Variants in TNXB observed in about 807,000 individuals in gnomAD.
TNXB encodes the protein tenascin-X.
Under a neutral mutation model 340.5 loss-of-function variants are expected in TNXB, and 183 were observed. The ratio of observed to expected loss-of-function variants is 0.54; its 90% CI spans 0.48 to 0.61. TNXB has a LOEUF of 0.61. Ranked by LOEUF, TNXB falls within the 20% of genes least tolerant of loss-of-function variation. TNXB has a pLI of 0.00. For synonymous variants in TNXB, 2,121 were observed against 2,314.5 expected (o/e 0.92, Z 2.40); for missense variants, 4,613 against 5,446.4 (o/e 0.85, Z 4.82).
At chr6:32,055,822 G>A in intron 24 of TNXB, 29 bp downstream of exon 24, 1 of 1,593,276 alleles carries the variant, frequency 6.3e-7, no homozygotes, top group Non-Finnish European at 8.6e-7. Context: ...CATCTTCTAG[G>A]GCCATCTTCC....
chr6:32,046,816 A>G lies in TNXB; in HGVS notation c.10325-360T>C, dbSNP rs887059104. On this transcript the variant is annotated intron_variant, in intron 30 of 43. Transcript: ENST00000644971. The surrounding 1 kb of genome is among the most constrained non-coding windows in gnomAD (Gnocchi z 6.9). Reference sequence around the variant, plus strand: ...CTGAGCAAGAATGAGGCCAGAGCTGAGAGAGACTCCCCGGAGGTCTCTGGG... The same window carrying G: ...CTGAGCAAGAATGAGGCCAGAGCTGGGAGAGACTCCCCGGAGGTCTCTGGG... 1.3e-5 allele frequency among the ~76,000 whole-genome samples: 2 copies of G among 151,952 alleles called. No homozygotes were observed. The highest frequency in any genetic ancestry group is 2.9e-5 in the Non-Finnish European group (2 of 68,024).
At chr6:32,105,538 A>T (rs1780935980) in intron 1 of TNXB, among the ~76,000 whole-genome samples, 1 of 152,112 alleles carries the variant, frequency 6.6e-6, no homozygotes, top group East Asian at 1.9e-4. Flanking sequence ...GTGCTCAATA[A>T]ATATTTACCG....
At position 32,075,913 on chromosome 6, in the gene TNXB, A is replaced by T. The variant is rs1297493823; in HGVS notation, c.4376-1961T>A. ...CTGGCTTCCTCCGGAGGGCAAGACA[A>T]GGCTCCAAGCAAGTGACAACTGCTT... On this transcript the variant is annotated intron_variant, in intron 11 of 43. Transcript: ENST00000644971. This position sits in a 1 kb window ranked among gnomAD's most constrained non-coding sequence, Gnocchi z 4.6. Among the ~76,000 whole-genome samples the T allele has an allele frequency of 6.6e-6, 1 of 152,190 alleles. No individual in the cohort carries two copies. Among genetic ancestry groups the T allele is most frequent in the Non-Finnish European group, 1.5e-5 (1 of 68,030 alleles).
rs931681215 is a variant in TNXB at position 32,077,748 on chromosome 6, C to T, written c.4375+1285G>A. On this transcript the variant is annotated intron_variant, in intron 11 of 43. Transcript: ENST00000644971. ...TGAGTATTAAAGAAAGCCTTGTGGCCGGGCGTGGTGGCTTATGCCTATAAT... is the reference window on the plus strand; with the variant it reads ...TGAGTATTAAAGAAAGCCTTGTGGCTGGGCGTGGTGGCTTATGCCTATAAT... Among the ~76,000 whole-genome samples, 6 of 152,200 alleles carry T rather than the reference C, an allele frequency of 3.9e-5. No individual in the cohort carries two copies. In the East Asian group the frequency reaches 5.8e-4, roughly 15 times the overall value.
chr6:32,048,292 A>C, intron 29 of TNXB, 71 bp downstream of exon 29: 1 of 1,431,798 alleles, frequency 7.0e-7, no homozygotes, highest in Admixed American at 2.4e-5. Flanking sequence ...GGGGCACAGA[A>C]CGTGAAATTC....
At position 32,043,327 on chromosome 6, in the gene TNXB, G is replaced by A. The variant is rs771155588; in HGVS notation, c.11651-9C>T. ...CGCCTGCAGAGGCGGGGCTGGGAGT[G>A]TAGAGAGGGGCATCAAGGCCTGCCC... On this transcript the variant is annotated splice_polypyrimidine_tract_variant and intron_variant, in intron 36 of 43. Transcript: ENST00000644971. 29 of 380,474 alleles carry A rather than the reference G, an allele frequency of 7.6e-5. No homozygotes were observed. In the African/African-American group the frequency reaches 1.7e-3, roughly 22 times the overall value. 23.6% of individuals were successfully genotyped at this position (380,474 alleles called of 1,614,324 possible).
At position 32,049,649 on chromosome 6, in the gene TNXB, G is replaced by A. The variant is rs1258440461; in HGVS notation, c.9440-62C>T. ...TGTCCTTGGGTCCTGGGGAAAAGGA[G>A]GGAGAAGCCAAGGCTATGACTGGGG... On this transcript the variant is annotated intron_variant, in intron 27 of 43. Coordinates refer to ENST00000644971, the MANE Select transcript of TNXB (RefSeq NM_001365276.2). The surrounding 1 kb of genome is among the most constrained non-coding windows in gnomAD (Gnocchi z 4.5). The A allele has an allele frequency of 6.5e-7, 1 of 1,548,486 alleles. No individual in the cohort carries two copies. Among genetic ancestry groups the A allele is most frequent in the Non-Finnish European group, 8.8e-7 (1 of 1,141,976 alleles).
intron 6 of TNXB, 113 bp from the exon 7 acceptor site, chr6:32,086,231 T>G (rs572419950): frequency 2.1e-5 from 27 of 1,301,948 alleles, no homozygotes; most frequent in Admixed American, 2.9e-5. Flanking sequence ...CTACTTCTAC[T>G]TCTGGTTCCC....
Position 32,057,174 on chromosome 6 carries a change from C to T in TNXB, c.7826-271G>A, listed in dbSNP as rs905739346. On this transcript the variant is annotated intron_variant, in intron 22 of 43. Transcript: ENST00000644971. Reference sequence around the variant, plus strand: ...GCACCGCCTCTCTTTTGAGCACAGCCCCACTCGGCCTCTGCACCCCTGGCC... The same window carrying T: ...GCACCGCCTCTCTTTTGAGCACAGCTCCACTCGGCCTCTGCACCCCTGGCC... Among the ~76,000 whole-genome samples the T allele has an allele frequency of 8.1e-4, 123 of 152,130 alleles. 1 individual carries two copies. The highest frequency in any genetic ancestry group is 1.4e-3 in the Admixed American group (22 of 15,296).
Position 32,044,149 on chromosome 6 carries a change from C to G in TNXB, c.11264-20G>C, listed in dbSNP as rs77466839. ...CCAGAACTGCAGAGGGGTCAAGGAACAATGACGCAGGCAGGGGCAGGGAGG... is the reference window on the plus strand; with the variant it reads ...CCAGAACTGCAGAGGGGTCAAGGAAGAATGACGCAGGCAGGGGCAGGGAGG... On this transcript the variant is annotated intron_variant, in intron 33 of 43. Coordinates refer to ENST00000644971, the MANE Select transcript of TNXB (RefSeq NM_001365276.2). The G allele has an allele frequency of 1.4e-6, 2 of 1,471,950 alleles. No individual in the cohort carries two copies. The highest frequency in any genetic ancestry group is 1.8e-6 in the Non-Finnish European group (2 of 1,081,862). The allele number at this position is 1,471,950 out of a possible 1,614,324, so 91.2% of individuals were successfully genotyped here.
At position 32,073,690 on chromosome 6, in the gene TNXB, A is replaced by G; in HGVS notation, c.4638T>C (p.His1546=). 6.2e-7 allele frequency: 1 copy of G among 1,610,290 alleles called. No homozygotes were observed. The highest frequency in any genetic ancestry group is 8.5e-7 in the Non-Finnish European group (1 of 1,178,918). The change falls in exon 12 of 44, where the codon CAT becomes CAC. Residue 1546 remains histidine (H), a synonymous_variant. Transcript: ENST00000644971. This position sits in a 1 kb window ranked among gnomAD's most constrained non-coding sequence, Gnocchi z 4.6. ...ACAGGGGGCCCATGCGTTGCCCATC[A>G]TGTAGTCCATACATGTTCATCTTAT... is the stretch of plus-strand genomic sequence containing the variant. ...RKYKMNMYGL[H]DGQRMGPLSV...
Position 32,079,505 on chromosome 6 carries a change from A to G in TNXB, c.4043-140T>C. ...TTGCCATTCGGTCACTCACGGATGG[A>G]GAAGGCTGAGACAGCCCTTGCCCCA... On this transcript the variant is annotated intron_variant, in intron 10 of 43. Coordinates refer to ENST00000644971, the MANE Select transcript of TNXB (RefSeq NM_001365276.2). The surrounding 1 kb of genome is among the most constrained non-coding windows in gnomAD (Gnocchi z 7.1). 1.4e-6 allele frequency: 1 copy of G among 734,268 alleles called. No individual in the cohort carries two copies. The highest frequency in any genetic ancestry group is 2.0e-5 in the South Asian group (1 of 49,884). The allele number at this position is 734,268 out of a possible 1,614,324, so 45.5% of individuals were successfully genotyped here.
At position 32,073,542 on chromosome 6, in the gene TNXB, C is replaced by T. The variant is rs1778895102; in HGVS notation, c.4681+105G>A. 1 of 1,045,722 alleles carries T rather than the reference C, an allele frequency of 9.6e-7. No individual in the cohort carries two copies. The highest frequency in any genetic ancestry group is 1.6e-5 in the South Asian group (1 of 63,842). The allele number at this position is 1,045,722 out of a possible 1,614,324, so 64.8% of individuals were successfully genotyped here. On this transcript the variant is annotated intron_variant, in intron 12 of 43. Transcript: ENST00000644971. The surrounding 1 kb of genome is among the most constrained non-coding windows in gnomAD (Gnocchi z 4.6). Reference sequence around the variant, plus strand: ...AGCCAGGGCCTGAGGGGATCTAGCCCCTCAGTGAGGGTGCGGTGGTACCAA... The same window carrying T: ...AGCCAGGGCCTGAGGGGATCTAGCCTCTCAGTGAGGGTGCGGTGGTACCAA...
At position 32,041,524 on chromosome 6, in the gene TNXB, A is replaced by G. The variant is rs7774739; in HGVS notation, c.12634-74T>C. The G allele has an allele frequency of 0.017, 20,099 of 1,150,876 alleles. 1,112 individuals are homozygous for G. The highest frequency in any genetic ancestry group is 0.12 in the African/African-American group (6,524 of 56,660). 71.3% of individuals were successfully genotyped at this position (1,150,876 alleles called of 1,614,324 possible). The stretch of plus-strand genomic sequence containing the variant: ...CTCTTCCCGTTCCCCTTAAGGAGGT[A>G]GCTCCCAGCACTCAACCAACCTCCC... On this transcript the variant is annotated intron_variant, in intron 43 of 43. Transcript: ENST00000644971.
At chr6:32,099,962 A>C (rs941163803) in intron 1 of TNXB, among the ~76,000 whole-genome samples, 31 of 151,414 alleles carry the variant, frequency 2.0e-4, no homozygotes, top group African/African-American at 7.3e-4. Flanking sequence ...AAAAAAAAAA[A>C]AAAAAAAACA....
Position 32,088,755 on chromosome 6 carries a change from G to A in TNXB, c.2779+30C>T, listed in dbSNP as rs932629310. ...GGAGGATCCAAGGCTGGGAAACCAG[G>A]GCCCTTCCCTAACCTCTGGCCAGCC... On this transcript the variant is annotated intron_variant, in intron 6 of 43. Coordinates refer to ENST00000644971, the MANE Select transcript of TNXB (RefSeq NM_001365276.2). The A allele has an allele frequency of 1.0e-5, 16 of 1,545,906 alleles. No homozygotes were observed. The African/African-American group carries it at 2.2e-4, about 21-fold the overall frequency.
chr6:32,097,452 G>A lies in TNXB; in HGVS notation c.404-3C>T, dbSNP rs1376304379. The A allele has an allele frequency of 3.8e-6, 6 of 1,585,512 alleles. No individual in the cohort carries two copies. Among genetic ancestry groups the A allele is most frequent in the African/African-American group, 2.7e-5 (2 of 74,558 alleles). ...GAGGGTCCGCACATCTGTCTGACCTGGAGTAGGAGGGGAGAGGCAAGTCTC... is the reference window on the plus strand; with the variant it reads ...GAGGGTCCGCACATCTGTCTGACCTAGAGTAGGAGGGGAGAGGCAAGTCTC... On this transcript the variant is annotated splice_region_variant and splice_polypyrimidine_tract_variant and intron_variant, in intron 2 of 43. Transcript: ENST00000644971. The surrounding 1 kb of genome is among the most constrained non-coding windows in gnomAD (Gnocchi z 5.9).
Position 32,087,937 on chromosome 6 carries a change from G to A in TNXB, c.2779+848C>T. The A allele has an allele frequency of 3.4e-6, 1 of 293,906 alleles. No individual in the cohort carries two copies. The highest frequency in any genetic ancestry group is 2.5e-5 in the South Asian group (1 of 39,386). The allele number at this position is 293,906 out of a possible 1,614,324, so 18.2% of individuals were successfully genotyped here. ...CGGGGCTGGGGCTGGCCGGGGCCGG[G>A]ACTTGGGGGGCGGGGCTGGGGGGCG... is the stretch of plus-strand genomic sequence containing the variant. On this transcript the variant is annotated intron_variant, in intron 6 of 43. Coordinates refer to ENST00000644971, the MANE Select transcript of TNXB (RefSeq NM_001365276.2). This position sits in a 1 kb window ranked among gnomAD's most constrained non-coding sequence, Gnocchi z 9.0.
Position 32,089,438 on chromosome 6 carries a change from C to T in TNXB, c.2359-59G>A, listed in dbSNP as rs1251646651. The T allele has an allele frequency of 6.5e-7, 1 of 1,543,152 alleles. No individual in the cohort carries two copies. The highest frequency in any genetic ancestry group is 8.7e-7 in the Non-Finnish European group (1 of 1,143,842). On this transcript the variant is annotated intron_variant, in intron 4 of 43. Coordinates refer to ENST00000644971, the MANE Select transcript of TNXB (RefSeq NM_001365276.2). The surrounding 1 kb of genome is among the most constrained non-coding windows in gnomAD (Gnocchi z 6.2). ...GGCACTCTTGCCTCTGCTGCTCAATCCCCCTTATCTCTTCTTTCTCCAATT... is the reference window on the plus strand; with the variant it reads ...GGCACTCTTGCCTCTGCTGCTCAATTCCCCTTATCTCTTCTTTCTCCAATT...
Sources: allele counts gnomAD v4.1 joint callset (sites outside exome capture counted in the v4.1 genomes callset), GRCh38; gene constraint gnomAD v4.1.1; non-coding constraint Gnocchi (gnomAD v3.1); transcripts MANE v1.5; gene names NCBI Gene and HGNC (gene_info 2026-07-23, HGNC 2026-07-21).